TRAM2: variants seen among roughly 807,000 people sequenced by gnomAD.
TRAM2 encodes the protein translocating chain-associated membrane protein 2.
In TRAM2, 12 loss-of-function variants were observed where a neutral mutation model predicts 51.0. That is an observed-to-expected ratio of 0.24 (90% CI 0.15 to 0.38). The LOEUF is 0.38. TRAM2 is among the 10% of genes least tolerant of loss of function. The pLI is 1.00. For synonymous variants in TRAM2, 175 were observed against 179.4 expected (o/e 0.98, Z 0.20); for missense variants, 361 against 462.0 (o/e 0.78, Z 2.00).
chr6:52,518,560 C>G (rs1418483770), intron 2 of TRAM2, among the ~76,000 whole-genome samples: 1 of 152,084 alleles, frequency 6.6e-6, no homozygotes, highest in African/African-American at 2.4e-5. Flanking sequence ...AGGTAAGAAG[C>G]CACAGGGCCT....
At chr6:52,537,324 G>T (rs752055176) in intron 1 of TRAM2, among the ~76,000 whole-genome samples, 1 of 152,156 alleles carries the variant, frequency 6.6e-6, no homozygotes. Context: ...CTTTGGTCAA[G>T]ACCTTTTTCA....
At chr6:52,508,383 A>C (rs1766388994) in intron 5 of TRAM2, 65 bp from the exon 6 acceptor site, 1 of 1,488,882 alleles carries the variant, frequency 6.7e-7, no homozygotes, top group African/African-American at 1.4e-5. Flanking sequence ...GTGCTGGCCA[A>C]GCACAGGAGG....
intron 1 of TRAM2, among the ~76,000 whole-genome samples, chr6:52,562,090 A>AAAC (rs1767511867): frequency 6.6e-6 from 1 of 152,124 alleles, no homozygotes; most frequent in Non-Finnish European, 1.5e-5. Flanking sequence ...GCAAAAAAAA[A>AAAC]AACTTTAAAA....
chr6:52,526,208 C>T (rs1021453486), intron 2 of TRAM2, among the ~76,000 whole-genome samples: 4 of 147,186 alleles, frequency 2.7e-5, no homozygotes, highest in South Asian at 2.1e-4. Context: ...CACACACACA[C>T]GCCAGAGAAT....
intron 1 of TRAM2, among the ~76,000 whole-genome samples, chr6:52,574,935 G>A (rs1032922925): frequency 3.3e-5 from 5 of 152,094 alleles, no homozygotes; most frequent in Non-Finnish European, 7.4e-5. Context: ...AAACTTCGTC[G>A]CTGCAGCCTG....
Position 52,500,966 on chromosome 6 carries a change from G to C in TRAM2, c.*2231C>G, listed in dbSNP as rs928707222. 6.6e-6 allele frequency: 1 copy of C among 152,232 alleles called. No individual in the cohort carries two copies. Among genetic ancestry groups the C allele is most frequent in the African/African-American group, 2.4e-5 (1 of 41,430 alleles). The allele number at this position is 152,232 out of a possible 1,614,324, so 9.4% of individuals were successfully genotyped here. On this transcript the variant is annotated 3_prime_UTR_variant, in exon 11 of 11. Coordinates refer to ENST00000182527, the MANE Select transcript of TRAM2 (RefSeq NM_012288.4). ...CACCTAGGATGGGTGTTCTCTAATG[G>C]GGGAGGAAGGTGGGCTTAGGAGGCT...
At chr6:52,543,043 A>G (rs1767132753) in intron 1 of TRAM2, among the ~76,000 whole-genome samples, 1 of 152,210 alleles carries the variant, frequency 6.6e-6, no homozygotes, top group Admixed American at 6.5e-5. Flanking sequence ...GTATTTATGC[A>G]ATTTATGCTG....
At position 52,540,924 on chromosome 6, in the gene TRAM2, A is replaced by G. The variant is rs144927021; in HGVS notation, c.121-5078T>C. On this transcript the variant is annotated intron_variant, in intron 1 of 10. Transcript: ENST00000182527. ...CACACACATATACACAGAGAGAAAG[A>G]GAGAGTGAGAAAGAGAGAAAGTTTC... Among the ~76,000 whole-genome samples, 448 of 152,370 alleles carry G rather than the reference A, an allele frequency of 2.9e-3. 2 individuals are homozygous for G. The highest frequency in any genetic ancestry group is 0.01 in the African/African-American group (425 of 41,582).
At chr6:52,559,742 C>T (rs116741631) in intron 1 of TRAM2, among the ~76,000 whole-genome samples, 1,587 of 152,344 alleles carry the variant, frequency 0.01, 26 homozygotes, top group African/African-American at 0.036. Flanking sequence ...TCTCTCACCT[C>T]TGGGCTTACC....
intron 1 of TRAM2, among the ~76,000 whole-genome samples, chr6:52,571,629 A>T (rs1440874748): frequency 6.6e-6 from 1 of 152,224 alleles, no homozygotes; most frequent in Non-Finnish European, 1.5e-5. Context: ...AAGAGAAAAC[A>T]GGTGTTCTCC....
intron 1 of TRAM2, among the ~76,000 whole-genome samples, chr6:52,573,630 G>T (rs1767716742): frequency 6.6e-6 from 1 of 152,172 alleles, no homozygotes; most frequent in Non-Finnish European, 1.5e-5. Context: ...AGGGGTGAGT[G>T]GTGAGGGGAG....
At chr6:52,521,947 C>G (rs975211638) in intron 2 of TRAM2, among the ~76,000 whole-genome samples, 2 of 152,040 alleles carry the variant, frequency 1.3e-5, no homozygotes, top group Non-Finnish European at 2.9e-5. Flanking sequence ...GATTTTGGAT[C>G]AAAACAAAAC....
rs1766306641 is a variant in TRAM2, at chr6:52,504,582, G to A, written c.1039+9C>T. ...GGCTCCACTCTCTGCCAAGGGCCCT[G>A]GCACTCACCAGATTCCCTCTTGATG... On this transcript the variant is annotated intron_variant, in intron 10 of 10. Coordinates refer to ENST00000182527, the MANE Select transcript of TRAM2 (RefSeq NM_012288.4). 6.2e-7 allele frequency: 1 copy of A among 1,614,046 alleles called. No individual in the cohort carries two copies. Among genetic ancestry groups the A allele is most frequent in the Non-Finnish European group, 8.5e-7 (1 of 1,180,036 alleles).
intron 1 of TRAM2, among the ~76,000 whole-genome samples, chr6:52,571,699 G>A (rs1767684194): frequency 6.6e-6 from 1 of 152,220 alleles, no homozygotes; most frequent in African/African-American, 2.4e-5. Flanking sequence ...AGAGAGATTG[G>A]TCTGTTTGGA....
intron 1 of TRAM2, among the ~76,000 whole-genome samples, chr6:52,561,983 C>T (rs1562488966): frequency 6.6e-6 from 1 of 151,236 alleles, no homozygotes; most frequent in African/African-American, 2.4e-5. Flanking sequence ...GGTGAATACA[C>T]TAAAAATCAC....
At chr6:52,558,156 C>A (rs1767441079) in intron 1 of TRAM2, among the ~76,000 whole-genome samples, 1 of 152,166 alleles carries the variant, frequency 6.6e-6, no homozygotes, top group Non-Finnish European at 1.5e-5. Flanking sequence ...CAAGCAAAAC[C>A]TGCAGACTTG....
chr6:52,549,619 G>C (rs1416445766), intron 1 of TRAM2, among the ~76,000 whole-genome samples: 1 of 152,176 alleles, frequency 6.6e-6, no homozygotes, highest in Non-Finnish European at 1.5e-5. Flanking sequence ...TCAAAGACTA[G>C]TAGTAATTAG....
In TRAM2 at chr6:52,576,789, C is replaced by G. The variant is rs1018888270; in HGVS notation, c.120+7G>C. ...TCCCTCCAGCTCCCTCCTCCCCAGGCTCTCACCTCGAACATAAGCCCGATG... is the reference window on the plus strand; with the variant it reads ...TCCCTCCAGCTCCCTCCTCCCCAGGGTCTCACCTCGAACATAAGCCCGATG... On this transcript the variant is annotated splice_region_variant and intron_variant, in intron 1 of 10. Transcript: ENST00000182527. 6.2e-7 allele frequency: 1 copy of G among 1,612,072 alleles called. No homozygotes were observed. Among genetic ancestry groups the G allele is most frequent in the Non-Finnish European group, 8.5e-7 (1 of 1,178,940 alleles).
chr6:52,561,235 T>C (rs1328837994), intron 1 of TRAM2, among the ~76,000 whole-genome samples: 1 of 152,070 alleles, frequency 6.6e-6, no homozygotes, highest in East Asian at 1.9e-4. Context: ...AAGTGGATAT[T>C]AAGGTGGGAT....
Sources: allele counts gnomAD v4.1 joint callset (sites outside exome capture counted in the v4.1 genomes callset), GRCh38; gene constraint gnomAD v4.1.1; transcripts MANE v1.5; gene names NCBI Gene and HGNC (gene_info 2026-07-23, HGNC 2026-07-21).